The following XYLT1 variants were observed in gnomAD, a reference collection of about 807,000 sequenced individuals.
The protein encoded by XYLT1 is xylosyltransferase 1.
In XYLT1, 36 loss-of-function variants were observed where a neutral mutation model predicts 91.3. That is an observed-to-expected ratio of 0.39 (90% confidence interval 0.30 to 0.52). The LOEUF (loss-of-function observed/expected upper bound fraction) is 0.52. XYLT1 is among the 20% of genes least tolerant of loss of function. The pLI is 0.68. For missense variants in XYLT1, 1,242 were observed against 1,284.5 expected (o/e 0.97, Z 0.51); for synonymous variants, 588 against 532.0 (o/e 1.11, Z -1.45).
intron 3 of XYLT1, among the ~76,000 whole-genome samples, chr16:17,218,001 G>A (rs186951839): frequency 5.3e-4 from 81 of 151,924 alleles, no homozygotes; most frequent in East Asian, 4.8e-3. Context: ...CAGGCGCAGC[G>A]GTTCACGCCT....
intron 3 of XYLT1, among the ~76,000 whole-genome samples, chr16:17,257,913 C>A (rs1250206687): frequency 1.3e-5 from 2 of 152,174 alleles, no homozygotes; most frequent in African/African-American, 4.8e-5. Context: ...TCCAAGGGCA[C>A]TAGAGAAGGT....
At chr16:17,144,035 C>T (rs953785533) in intron 6 of XYLT1, among the ~76,000 whole-genome samples, 1 of 152,222 alleles carries the variant, frequency 6.6e-6, no homozygotes, top group Non-Finnish European at 1.5e-5. Flanking sequence ...CTTTAATTCT[C>T]ATGAAAACCC....
At chr16:17,266,620 CA>C (rs2033809288) in intron 2 of XYLT1, among the ~76,000 whole-genome samples, 2 of 152,166 alleles carry the variant, frequency 1.3e-5, no homozygotes, top group Non-Finnish European at 2.9e-5. Context: ...GGGACAGGGC[CA>C]AAGGGAAACC....
At chr16:17,239,095 C>A (rs1426713818) in intron 3 of XYLT1, among the ~76,000 whole-genome samples, 1 of 152,206 alleles carries the variant, frequency 6.6e-6, no homozygotes, top group Non-Finnish European at 1.5e-5. Context: ...GTTTTCAAAT[C>A]CAACTTTTCC....
chr16:17,327,967 G>T (rs188698016), intron 2 of XYLT1, among the ~76,000 whole-genome samples: 105 of 152,254 alleles, frequency 6.9e-4, no homozygotes, highest in African/African-American at 2.5e-3. Flanking sequence ...ACTTGATGTT[G>T]CCTTGACTAT....
At chr16:17,152,737 G>A (rs1237360078) in intron 6 of XYLT1, among the ~76,000 whole-genome samples, 2 of 152,178 alleles carry the variant, frequency 1.3e-5, no homozygotes, top group African/African-American at 4.8e-5. Context: ...TGCTGCCTCT[G>A]GCAGATGGGG....
Position 17,321,342 on chromosome 16 carries a change from C to CTTTTTTTTTTTTTTT in XYLT1, c.402+36655_402+36669dup, listed in dbSNP as rs10606202. ...GACAGTTCCCAAAGTACTAACTAGC[C>CTTTTTTTTTTTTTTT]TTTTTTTTTTTTTTTTTTTTTTTTT... On this transcript the variant is annotated intron_variant, in intron 2 of 11. Transcript: ENST00000261381. 4.6e-4 allele frequency among the ~76,000 whole-genome samples: 20 copies of CTTTTTTTTTTTTTTT among 43,624 alleles called. 2 individuals carry two copies. The highest frequency in any genetic ancestry group is 7.9e-4 in the Admixed American group (2 of 2,540). The allele number at this position is 43,624 out of a possible 152,430, so 28.6% of individuals were successfully genotyped here. A position where few individuals can be genotyped will look rare whatever the true frequency, so the allele number is the denominator to read the frequency against.
At position 17,198,202 on chromosome 16, in the gene XYLT1, G is replaced by T. The variant is rs767257517; in HGVS notation, c.1289+10C>A. On this transcript the variant is annotated intron_variant, in intron 5 of 11. Transcript: ENST00000261381. Reference sequence around the variant, plus strand: ...AGACAAGACTGGCTTGGGGCCCTTGGCTGCCTTACCTGATGGGGTAGTCGG... The same window carrying T: ...AGACAAGACTGGCTTGGGGCCCTTGTCTGCCTTACCTGATGGGGTAGTCGG... The T allele has an allele frequency of 1.2e-6, 2 of 1,613,932 alleles. No individual in the cohort carries two copies. The highest frequency in any genetic ancestry group is 1.7e-6 in the Non-Finnish European group (2 of 1,179,960).
chr16:17,308,088 A>G (rs2034494099), intron 2 of XYLT1, among the ~76,000 whole-genome samples: 1 of 152,328 alleles, frequency 6.6e-6, no homozygotes, highest in East Asian at 1.9e-4. Context: ...CTCAAGATCT[A>G]CAATGAACCA....
At chr16:17,166,140 A>T (rs1430377078) in intron 5 of XYLT1, among the ~76,000 whole-genome samples, 3 of 152,220 alleles carry the variant, frequency 2.0e-5, no homozygotes, top group African/African-American at 2.4e-5. Context: ...ACCCTGGAAA[A>T]CAAAGGAGGC....
In XYLT1 at chr16:17,127,789, G is replaced by T. The variant is rs768596175; in HGVS notation, c.2100C>A (p.Ile700=). 6.2e-7 allele frequency: 1 copy of T among 1,614,036 alleles called. No individual in the cohort carries two copies. The highest frequency in any genetic ancestry group is 1.3e-5 in the African/African-American group (1 of 74,908). Residue 700 remains isoleucine, a synonymous_variant, in exon 10 of 12, where the codon ATC becomes ATA. Coordinates refer to ENST00000261381, the MANE Select transcript of XYLT1 (RefSeq NM_022166.4). ...CAGCCAGATTGGTAGCATGATGCTT[G>T]ATCAGAAAGCCCTGGAAGCGGTCAG... The part of the protein sequence containing the change: ...FLADRFQGFL[I]KHHATNLAVS...
Position 17,277,042 on chromosome 16 carries a change from T to A in XYLT1, c.403-17544A>T, listed in dbSNP as rs114554314. On this transcript the variant is annotated intron_variant, in intron 2 of 11. Coordinates refer to ENST00000261381, the MANE Select transcript of XYLT1 (RefSeq NM_022166.4). ...AGATATTTACTGAGTGCCAAGTACA[T>A]CTTAGGTGCTGGGGACATGTCTGTG... is the stretch of plus-strand genomic sequence containing the variant. Among the ~76,000 whole-genome samples the A allele has an allele frequency of 2.0e-3, 308 of 152,302 alleles. 1 individual carries two copies. The highest frequency in any genetic ancestry group is 6.7e-3 in the African/African-American group (278 of 41,558).
chr16:17,172,872 C>G (rs535865285), intron 5 of XYLT1, among the ~76,000 whole-genome samples: 2 of 152,094 alleles, frequency 1.3e-5, no homozygotes, highest in Admixed American at 6.5e-5. Context: ...ACATTTAAGC[C>G]CGGGTTTTAT....
intron 2 of XYLT1, among the ~76,000 whole-genome samples, chr16:17,315,697 C>T (rs2034620400): frequency 6.6e-6 from 1 of 152,150 alleles, no homozygotes; most frequent in African/African-American, 2.4e-5. Context: ...ATGAGGCAGA[C>T]ACAGAATTAG....
chr16:17,456,177 T>A (rs911463447), intron 1 of XYLT1, among the ~76,000 whole-genome samples: 1 of 151,988 alleles, frequency 6.6e-6, no homozygotes, highest in Non-Finnish European at 1.5e-5. Context: ...GCTTCCTAGA[T>A]GTCCACGTCC....
rs1213062178 is a variant in XYLT1 at position 17,289,428 on chromosome 16, C to A, written c.403-29930G>T. Among the ~76,000 whole-genome samples the A allele has an allele frequency of 2.6e-5, 4 of 152,142 alleles. No homozygotes were observed. In the East Asian group the frequency reaches 7.7e-4, roughly 29 times the overall value. ...AATTGTCTTCTGCCATGTTTATGTT[C>A]TACCCTGAGACATGTGACAAGTACC... On this transcript the variant is annotated intron_variant, in intron 2 of 11. Transcript: ENST00000261381.
At chr16:17,458,371 G>A (rs1053889943) in intron 1 of XYLT1, among the ~76,000 whole-genome samples, 2 of 152,142 alleles carry the variant, frequency 1.3e-5, no homozygotes, top group African/African-American at 2.4e-5. Context: ...AATACTCAAC[G>A]TGAAGCAAAT....
chr16:17,391,916 C>T (rs555487632), intron 1 of XYLT1, among the ~76,000 whole-genome samples: 1 of 152,166 alleles, frequency 6.6e-6, no homozygotes. Flanking sequence ...GTAAGATGGG[C>T]CTTTGCTCCT....
intron 2 of XYLT1, among the ~76,000 whole-genome samples, chr16:17,323,777 G>T (rs1596482094): frequency 6.6e-6 from 1 of 152,210 alleles, no homozygotes; most frequent in Non-Finnish European, 1.5e-5. Context: ...AAAAGATCAG[G>T]TAGTGCCCAA....
Sources: gnomAD v4.1 joint callset for allele counts (sites outside exome capture counted in the v4.1 genomes callset) on GRCh38, gnomAD v4.1.1 for gene constraint, MANE v1.5 for transcripts, NCBI Gene and HGNC (gene_info 2026-07-23, HGNC 2026-07-21) for gene names.